Variants in CAST observed in about 807,000 individuals in gnomAD.
CAST encodes the protein MIR583 host.
In CAST, 76 loss-of-function variants were observed where a neutral mutation model predicts 119.6. The observed-to-expected ratio is 0.64, with a 90% CI of 0.53 to 0.77. CAST has a LOEUF of 0.77. Ranked by LOEUF, CAST falls within the 30% of genes least tolerant of loss-of-function variation. The pLI, the probability that CAST is intolerant of heterozygous loss-of-function variation, is 0.00. For missense variants in CAST, 953 were observed against 946.5 expected (o/e 1.01, Z -0.09); for synonymous variants, 319 against 331.6 (o/e 0.96, Z 0.41).
At chr5:95,980,152 A>G in the CAST span, among the ~76,000 whole-genome samples, 1 of 152,170 alleles carries the variant, frequency 6.6e-6, no homozygotes, top group Non-Finnish European at 1.5e-5. Context: ...CAGCAAAAAA[A>G]TAAAAATAAA....
the CAST span, among the ~76,000 whole-genome samples, chr5:96,039,686 T>G: frequency 6.6e-6 from 1 of 152,156 alleles, no homozygotes; most frequent in East Asian, 1.9e-4. Context: ...TGGTGCTAGA[T>G]GTGTGGTCTT....
At chr5:96,035,273 T>C in the CAST span, among the ~76,000 whole-genome samples, 77 of 149,826 alleles carry the variant, frequency 5.1e-4, no homozygotes, top group Non-Finnish European at 8.4e-4. Flanking sequence ...TACAGTTTTT[T>C]CCATTAATTA....
At chr5:96,110,636 G>C in the CAST span, among the ~76,000 whole-genome samples, 1 of 152,164 alleles carries the variant, frequency 6.6e-6, no homozygotes, top group Non-Finnish European at 1.5e-5. Flanking sequence ...CTGTGAGGAA[G>C]GAGCATTCTC....
chr5:96,179,507 G>A, the CAST span, among the ~76,000 whole-genome samples: 2 of 152,192 alleles, frequency 1.3e-5, no homozygotes, highest in East Asian at 3.8e-4. Flanking sequence ...TATCTTGAGG[G>A]CAAGTGCAGG....
At chr5:96,009,872 C>T in the CAST span, among the ~76,000 whole-genome samples, 1 of 151,940 alleles carries the variant, frequency 6.6e-6, no homozygotes, top group Admixed American at 6.5e-5. Flanking sequence ...TTTGCCAGGT[C>T]GATGTCAAGA....
chr5:96,713,883 G>C (rs756849819), intron 3 of CAST, among the ~76,000 whole-genome samples: 1 of 152,098 alleles, frequency 6.6e-6, no homozygotes, highest in Non-Finnish European at 1.5e-5. Context: ...GCTGAGACCG[G>C]AGAATTGCTT....
At chr5:96,120,443 A>C in the CAST span, among the ~76,000 whole-genome samples, 1 of 151,854 alleles carries the variant, frequency 6.6e-6, no homozygotes, top group Non-Finnish European at 1.5e-5. Context: ...CTGGTTTTCT[A>C]TATTCCCTGT....
At chr5:96,680,354 C>CAAAAAAAAAA (rs71617135) in intron 2 of CAST, among the ~76,000 whole-genome samples, 14 of 29,260 alleles carry the variant, frequency 4.8e-4, no homozygotes, top group African/African-American at 1.1e-3. Context: ...GACTCTGTCT[C>CAAAAAAAAAA]AAAAAAAAAA....
At chr5:96,384,523 C>T in the CAST span, among the ~76,000 whole-genome samples, 1 of 152,174 alleles carries the variant, frequency 6.6e-6, no homozygotes, top group Non-Finnish European at 1.5e-5. Context: ...ATCCCTGCTG[C>T]TGGGCTATGA....
At chr5:96,575,182 T>C (rs1351622425) in intron 1 of CAST, among the ~76,000 whole-genome samples, 1 of 152,130 alleles carries the variant, frequency 6.6e-6, no homozygotes, top group Non-Finnish European at 1.5e-5. Context: ...TGCAATGGTA[T>C]TGTATTTTTT....
intron 1 of CAST, among the ~76,000 whole-genome samples, chr5:96,629,443 A>C (rs948544008): frequency 6.6e-6 from 1 of 152,142 alleles, no homozygotes; most frequent in Non-Finnish European, 1.5e-5. Flanking sequence ...AGACTTTGCC[A>C]AGCCTCCATT....
chr5:96,517,669 G>A, the CAST span, among the ~76,000 whole-genome samples: 3 of 152,182 alleles, frequency 2.0e-5, no homozygotes, highest in Non-Finnish European at 2.9e-5. Flanking sequence ...TTGCTCCATC[G>A]ATGAGCAGGA....
At chr5:96,576,609 T>C (rs1178044794) in intron 1 of CAST, among the ~76,000 whole-genome samples, 1 of 152,052 alleles carries the variant, frequency 6.6e-6, no homozygotes, top group Non-Finnish European at 1.5e-5. Flanking sequence ...CCTCCCAAAG[T>C]GCTGGGATTA....
the CAST span, among the ~76,000 whole-genome samples, chr5:96,367,751 T>A: frequency 6.6e-6 from 1 of 152,062 alleles, no homozygotes; most frequent in Non-Finnish European, 1.5e-5. Flanking sequence ...GAAAGGGAAT[T>A]CCCTCACCCC....
At chr5:96,083,295 C>T in the CAST span, among the ~76,000 whole-genome samples, 2 of 152,156 alleles carry the variant, frequency 1.3e-5, no homozygotes, top group Admixed American at 6.5e-5. Flanking sequence ...CTCTGAAGCA[C>T]GGTTTATGAT....
At chr5:96,597,096 C>T (rs901932974) in intron 1 of CAST, among the ~76,000 whole-genome samples, 4 of 152,156 alleles carry the variant, frequency 2.6e-5, no homozygotes, top group Admixed American at 2.0e-4. Flanking sequence ...CAGTTTAGTC[C>T]ATAACAGGTG....
intron 1 of CAST, among the ~76,000 whole-genome samples, chr5:96,617,556 A>G (rs7708703): frequency 0.086 from 13,083 of 151,944 alleles, 1,061 homozygotes; most frequent in African/African-American, 0.21. Context: ...TTGGGAGGCC[A>G]AGGCGGGCGA....
chr5:96,126,338 T>C, the CAST span, among the ~76,000 whole-genome samples: 25 of 152,148 alleles, frequency 1.6e-4, no homozygotes, highest in Non-Finnish European at 2.8e-4. Context: ...AAGGGTATTG[T>C]TGATGTTTTT....
chr5:95,966,814 T>C, the CAST span, among the ~76,000 whole-genome samples: 1 of 152,180 alleles, frequency 6.6e-6, no homozygotes, highest in Non-Finnish European at 1.5e-5. Flanking sequence ...TTAAGAGCAG[T>C]CTCTAGAAAG....
Sources: gnomAD v4.1 joint callset for allele counts (sites outside exome capture counted in the v4.1 genomes callset) on GRCh38, gnomAD v4.1.1 for gene constraint, MANE v1.5 for transcripts, NCBI Gene and HGNC (gene_info 2026-07-23, HGNC 2026-07-21) for gene names.